MYOT: variants seen among roughly 807,000 people sequenced by gnomAD.
MYOT encodes the protein myotilin.
In MYOT, 36 loss-of-function variants were observed where a neutral mutation model predicts 58.0. That is an observed-to-expected ratio of 0.62 (90% CI 0.48 to 0.82). The LOEUF (loss-of-function observed/expected upper bound fraction) is 0.82, where lower values mean the gene tolerates loss of function less well. Among genes scored for constraint, MYOT ranks in the 40% least tolerant of loss-of-function variants. The pLI is 0.00. For synonymous variants in MYOT, 218 were observed against 204.6 expected, an observed-to-expected ratio of 1.07 and a Z score of -0.56; for missense variants, 505 against 592.1, an observed-to-expected ratio of 0.85 and a Z score of 1.53.
At chr5:137,868,822 G>C (rs1022008647) in intron 1 of MYOT, among the ~76,000 whole-genome samples, 4 of 151,798 alleles carry the variant, frequency 2.6e-5, no homozygotes, top group Non-Finnish European at 5.9e-5. Flanking sequence ...TTTTTTTTTA[G>C]ATCTACTCAA....
chr5:137,878,001 CTCA>C (rs1755287785), intron 4 of MYOT, among the ~76,000 whole-genome samples: 1 of 152,134 alleles, frequency 6.6e-6, no homozygotes, highest in Non-Finnish European at 1.5e-5. Context: ...TATAACCTTT[CTCA>C]TAAGCTGTTT....
intron 2 of MYOT, among the ~76,000 whole-genome samples, chr5:137,874,778 T>C (rs114961233): frequency 0.015 from 2,248 of 152,348 alleles, 49 homozygotes; most frequent in African/African-American, 0.052. Flanking sequence ...TTCAGTAGTA[T>C]TGAAGAAACT....
At chr5:137,870,228 G>C (rs969259505) in intron 1 of MYOT, among the ~76,000 whole-genome samples, 5 of 151,202 alleles carry the variant, frequency 3.3e-5, no homozygotes, top group Non-Finnish European at 7.4e-5. Context: ...TGGAAGGATC[G>C]CTTGTGCCCA....
intron 2 of MYOT, among the ~76,000 whole-genome samples, chr5:137,874,899 C>G (rs947192155): frequency 6.6e-6 from 1 of 151,398 alleles, no homozygotes; most frequent in Non-Finnish European, 1.5e-5. Context: ...TGTGTAGACT[C>G]CATTCAAAGC....
rs781249546 is a variant in MYOT at position 137,880,837 on chromosome 5, C to T, written c.655C>T (p.Arg219Ter). 17 of 1,612,146 alleles carry T rather than the reference C, an allele frequency of 1.1e-5. No individual in the cohort carries two copies. The highest frequency in any genetic ancestry group is 4.0e-5 in the African/African-American group (3 of 74,858). Residue 219 changes from arginine to a stop codon, truncating the protein, a stop_gained, in exon 5 of 10, where the codon CGA (arginine) becomes TGA (stop). Coordinates refer to ENST00000239926, the MANE Select transcript of MYOT (RefSeq NM_006790.3). LOFTEE classifies it high-confidence loss of function. ...DSQQHNSEHA[R>*]LQVPTSQVRS... ...CAAGCAACACAACTCAGAACATGCG[C>T]GACTGCAAGTTCCTACATCACAAGT...
intron 3 of MYOT, 39 bp downstream of exon 3, chr5:137,876,042 A>G (rs1179837145): frequency 8.7e-6 from 14 of 1,601,370 alleles, no homozygotes; most frequent in Non-Finnish European, 1.1e-5. Flanking sequence ...GGCCAATTAA[A>G]CTATAAAATC....
At chr5:137,881,321 CTTCA>C (rs1011292999) in intron 5 of MYOT, among the ~76,000 whole-genome samples, 15 of 152,174 alleles carry the variant, frequency 9.9e-5, no homozygotes, top group African/African-American at 3.4e-4. Context: ...TAAGGCCTCT[CTTCA>C]TTGTTATTAC....
At position 137,880,847 on chromosome 5, in the gene MYOT, T is replaced by C. The variant is rs1755405677; in HGVS notation, c.665T>C (p.Val222Ala). Residue 222 changes from valine to alanine, a missense_variant, in exon 5 of 10, where the codon GTT (valine) becomes GCT (alanine). Physicochemically the swap from Val to Ala is moderately conservative, Grantham distance 64. Coordinates refer to ENST00000239926, the MANE Select transcript of MYOT (RefSeq NM_006790.3). Reference sequence around the variant, plus strand: ...AACTCAGAACATGCGCGACTGCAAGTTCCTACATCACAAGTAAGGTAAAAA... The same window carrying C: ...AACTCAGAACATGCGCGACTGCAAGCTCCTACATCACAAGTAAGGTAAAAA... ...QHNSEHARLQ[V>A]PTSQVRSRST... 1 of 1,611,792 alleles carries C rather than the reference T, an allele frequency of 6.2e-7. No homozygotes were observed. Among genetic ancestry groups the C allele is most frequent in the Admixed American group, 1.7e-5 (1 of 59,982 alleles).
rs1467963215 is a variant in MYOT at position 137,879,740 on chromosome 5, G to C, written c.634-1076G>C. Among the ~76,000 whole-genome samples the C allele has an allele frequency of 4.4e-5, 5 of 114,408 alleles. No individual in the cohort carries two copies. The East Asian group carries it at 1.3e-3, about 29-fold the overall frequency. 75.1% of individuals were successfully genotyped at this position (114,408 alleles called of 152,430 possible). The stretch of plus-strand genomic sequence containing the variant: ...TTTAGTAGAGACAGGATTTCACCTT[G>C]TTACCCAGGATGGTCTCGATCTCCT... On this transcript the variant is annotated intron_variant, in intron 4 of 9. Coordinates refer to ENST00000239926, the MANE Select transcript of MYOT (RefSeq NM_006790.3).
chr5:137,886,142 G>A lies in MYOT; in HGVS notation c.1119G>A (p.Ser373=), dbSNP rs771407842. 24 of 1,612,120 alleles carry A rather than the reference G, an allele frequency of 1.5e-5. No individual in the cohort carries two copies. The highest frequency in any genetic ancestry group is 1.8e-5 in the Non-Finnish European group (21 of 1,178,616). ...CAGTGAAACTAGAATGCCAGATCTC[G>A]GCTATACCTCCACCAAAGCTTTTCT... ...GDSVKLECQI[S]AIPPPKLFWK... is the part of the protein sequence containing the mutation. Residue 373 remains serine, a synonymous_variant, in exon 8 of 10, where the codon TCG becomes TCA. Coordinates refer to ENST00000239926, the MANE Select transcript of MYOT (RefSeq NM_006790.3).
intron 4 of MYOT, among the ~76,000 whole-genome samples, chr5:137,878,109 CA>C (rs3836898): frequency 6.7e-6 from 1 of 150,046 alleles, no homozygotes; most frequent in South Asian, 2.1e-4. Context: ...TTCTGAAAAC[CA>C]AAAAAAACCC....
intron 7 of MYOT, among the ~76,000 whole-genome samples, chr5:137,884,799 C>T (rs185757192): frequency 5.4e-4 from 82 of 152,264 alleles, no homozygotes; most frequent in Non-Finnish European, 7.8e-4. Flanking sequence ...ATTTTTAATA[C>T]TTTAAGCCAT....
rs770515990 is a variant in MYOT at position 137,870,794 on chromosome 5, C to T, written c.143C>T (p.Thr48Ile). The T allele has an allele frequency of 1.2e-6, 2 of 1,614,176 alleles. No homozygotes were observed. Among genetic ancestry groups the T allele is most frequent in the Non-Finnish European group, 1.7e-6 (2 of 1,180,018 alleles). Residue 48 changes from threonine to isoleucine, a missense_variant, in exon 2 of 10, where the codon ACA becomes ATA. Physicochemically the swap from Thr to Ile is moderately conservative, Grantham distance 89 (BLOSUM62 -1). Coordinates refer to ENST00000239926, the MANE Select transcript of MYOT (RefSeq NM_006790.3). The part of the protein sequence containing the change: ...SSIIIQPRQC[T>I]EQRFSASSTL... ...ATTATCATCCAGCCCCGCCAGTGTA[C>T]AGAGCAAAGATTTTCTGCCTCCTCA...
At position 137,882,052 on chromosome 5, in the gene MYOT, G is replaced by A. The variant is rs1755453178; in HGVS notation, c.763G>A (p.Val255Met). ...EKFYPPRFIQ[V>M]PENMSIDEGR... ...ATTTTACCCACCACGTTTCATTCAAGTGCCAGAGAACATGTCGATTGATGA... is the reference window on the plus strand; with the variant it reads ...ATTTTACCCACCACGTTTCATTCAAATGCCAGAGAACATGTCGATTGATGA... The change falls in exon 6 of 10, where the codon GTG (valine) becomes ATG (methionine). Residue 255 changes from valine to methionine, a missense_variant. Val to Met is a conservative substitution (Grantham distance 21). Transcript: ENST00000239926. 1 of 1,614,070 alleles carries A rather than the reference G, an allele frequency of 6.2e-7. No homozygotes were observed. The highest frequency in any genetic ancestry group is 1.7e-5 in the Admixed American group (1 of 60,000).
intron 2 of MYOT, among the ~76,000 whole-genome samples, chr5:137,872,707 G>A (rs1755089659): frequency 6.6e-6 from 1 of 152,034 alleles, no homozygotes. Flanking sequence ...ATAATCCCTT[G>A]GATTCTGACC....
chr5:137,868,545 C>G (rs1754942414), intron 1 of MYOT, among the ~76,000 whole-genome samples: 1 of 152,062 alleles, frequency 6.6e-6, no homozygotes, highest in Admixed American at 6.5e-5. Flanking sequence ...TTTAATTGGG[C>G]TTTTAAAAAT....
chr5:137,880,191 A>G (rs1755381182), intron 4 of MYOT, among the ~76,000 whole-genome samples: 1 of 152,194 alleles, frequency 6.6e-6, no homozygotes, highest in Non-Finnish European at 1.5e-5. Context: ...TTATTCTCAA[A>G]TAGAAATAAT....
At chr5:137,868,725 A>G (rs1459316975) in intron 1 of MYOT, among the ~76,000 whole-genome samples, 2 of 152,020 alleles carry the variant, frequency 1.3e-5, no homozygotes, top group Non-Finnish European at 2.9e-5. Flanking sequence ...CCTGCCCAGA[A>G]AGAAATTTAG....
intron 2 of MYOT, among the ~76,000 whole-genome samples, chr5:137,874,121 T>C (rs902609284): frequency 1.3e-5 from 2 of 152,166 alleles, no homozygotes; most frequent in African/African-American, 2.4e-5. Flanking sequence ...AATGGTAAAA[T>C]ACTCATTGAG....
Sources: gnomAD v4.1 joint callset for allele counts (sites outside exome capture counted in the v4.1 genomes callset) on GRCh38, gnomAD v4.1.1 for gene constraint, MANE v1.5 for transcripts, NCBI Gene and HGNC (gene_info 2026-07-23, HGNC 2026-07-21) for gene names.